The following FOXP2 variants were observed in gnomAD, a reference collection of about 807,000 sequenced individuals.
FOXP2 encodes forkhead box P2.
A neutral mutation model predicts 115.8 loss-of-function variants in FOXP2; 12 were observed. The observed-to-expected ratio is 0.10, with a 90% CI of 0.07 to 0.17. The LOEUF is 0.17. FOXP2 is among the 10% of genes least tolerant of loss of function. The pLI is 1.00. For synonymous variants in FOXP2, 328 were observed against 297.7 expected, an observed-to-expected ratio of 1.10 and a Z score of -1.05; for missense variants, 629 against 843.5, an observed-to-expected ratio of 0.75 and a Z score of 3.15.
intron 1 of FOXP2, among the ~76,000 whole-genome samples, chr7:114,170,968 T>C (rs1264061431): frequency 6.6e-6 from 1 of 152,226 alleles, no homozygotes; most frequent in East Asian, 1.9e-4. Context: ...GAAGATGCCA[T>C]CTAGGAATTT....
At chr7:114,459,224 G>A (rs1795454729) in intron 2 of FOXP2, among the ~76,000 whole-genome samples, 1 of 152,200 alleles carries the variant, frequency 6.6e-6, no homozygotes, top group African/African-American at 2.4e-5. Context: ...CAGGAGGGTA[G>A]CACAGCTGGA....
At chr7:114,676,420 T>C (rs1807769101) in intron 16 of FOXP2, among the ~76,000 whole-genome samples, 1 of 152,202 alleles carries the variant, frequency 6.6e-6, no homozygotes, top group South Asian at 2.1e-4. Flanking sequence ...CTCAAAGTAC[T>C]GTATGTGTAA....
chr7:114,545,876 C>A (rs981000896), intron 3 of FOXP2, among the ~76,000 whole-genome samples: 1 of 152,096 alleles, frequency 6.6e-6, no homozygotes, highest in Non-Finnish European at 1.5e-5. Flanking sequence ...CCTCCCCATC[C>A]TCACCAGCAC....
intron 2 of FOXP2, among the ~76,000 whole-genome samples, chr7:114,404,271 A>G (rs1480373364): frequency 6.6e-6 from 1 of 152,192 alleles, no homozygotes; most frequent in Non-Finnish European, 1.5e-5. Context: ...ATTTGGACAT[A>G]TGATTGAAAC....
intron 16 of FOXP2, among the ~76,000 whole-genome samples, chr7:114,676,515 CTGTT>C (rs776171355): frequency 1.3e-5 from 2 of 152,098 alleles, no homozygotes; most frequent in Non-Finnish European, 2.9e-5. Context: ...AGTCCTAACA[CTGTT>C]TGTGAGGATA....
intron 1 of FOXP2, among the ~76,000 whole-genome samples, chr7:114,284,830 T>C (rs1316738190): frequency 1.3e-5 from 2 of 152,236 alleles, no homozygotes; most frequent in Non-Finnish European, 2.9e-5. Context: ...CAGTAGACCA[T>C]GGAATACTAT....
intron 16 of FOXP2, among the ~76,000 whole-genome samples, chr7:114,682,092 G>A (rs1207418218): frequency 4.6e-5 from 7 of 152,058 alleles, no homozygotes; most frequent in Admixed American, 2.0e-4. Flanking sequence ...CCCTTATAAC[G>A]AGTGTATAAG....
At chr7:114,667,139 T>G (rs1325557374) in intron 16 of FOXP2, 1 of 152,124 alleles carries the variant, frequency 6.6e-6, no homozygotes, top group East Asian at 1.9e-4. Flanking sequence ...TGAAACAACA[T>G]GAGGCCAGGC....
chr7:114,127,933 G>A (rs1791762606), intron 1 of FOXP2, among the ~76,000 whole-genome samples: 1 of 152,144 alleles, frequency 6.6e-6, no homozygotes, highest in Admixed American at 6.5e-5. Context: ...AAATGTGTAA[G>A]TAAAATGAAC....
intron 1 of FOXP2, among the ~76,000 whole-genome samples, chr7:114,168,269 A>G (rs1793036401): frequency 6.6e-6 from 1 of 152,238 alleles, no homozygotes; most frequent in African/African-American, 2.4e-5. Flanking sequence ...AGAAGAAGAC[A>G]GGAAAATGTG....
chr7:114,578,822 G>T (rs368294933), intron 3 of FOXP2, among the ~76,000 whole-genome samples: 2 of 152,038 alleles, frequency 1.3e-5, no homozygotes, highest in African/African-American at 2.4e-5. Context: ...AAAATTTAAG[G>T]TTCCTCAGTG....
At chr7:114,222,380 G>A (rs796428174) in intron 1 of FOXP2, among the ~76,000 whole-genome samples, 4 of 152,090 alleles carry the variant, frequency 2.6e-5, no homozygotes, top group South Asian at 2.1e-4. Flanking sequence ...GAACTCCTGG[G>A]CTCAAGTGAT....
chr7:114,106,118 G>A (rs185124294), intron 1 of FOXP2, among the ~76,000 whole-genome samples: 1 of 152,206 alleles, frequency 6.6e-6, no homozygotes, highest in Admixed American at 6.6e-5. Flanking sequence ...GACAGATGGA[G>A]AGCAAATTCT....
chr7:114,521,668 T>G (rs547178574), intron 2 of FOXP2, among the ~76,000 whole-genome samples: 1 of 152,116 alleles, frequency 6.6e-6, no homozygotes, highest in South Asian at 2.1e-4. Context: ...CAACCAATAG[T>G]AATTTTTTGG....
intron 2 of FOXP2, among the ~76,000 whole-genome samples, chr7:114,483,806 A>G (rs1422135553): frequency 6.6e-6 from 1 of 151,780 alleles, no homozygotes; most frequent in African/African-American, 2.4e-5. Flanking sequence ...TGGACAATTA[A>G]TAATTATGAT....
intron 1 of FOXP2, among the ~76,000 whole-genome samples, chr7:114,111,301 G>T (rs544286124): frequency 4.1e-4 from 63 of 152,166 alleles, no homozygotes; most frequent in African/African-American, 1.4e-3. Context: ...ACCATTTCAG[G>T]AAGCCTTGTA....
At chr7:114,132,167 A>G (rs544791857) in intron 1 of FOXP2, among the ~76,000 whole-genome samples, 1 of 152,350 alleles carries the variant, frequency 6.6e-6, no homozygotes, top group East Asian at 1.9e-4. Flanking sequence ...ATTTTAATAA[A>G]CTAATATCGT....
At chr7:114,167,882 G>T (rs1793024907) in intron 1 of FOXP2, among the ~76,000 whole-genome samples, 1 of 147,372 alleles carries the variant, frequency 6.8e-6, no homozygotes, top group Non-Finnish European at 1.5e-5. Flanking sequence ...GTTGCAGTGA[G>T]CCGAGATTAC....
intron 2 of FOXP2, among the ~76,000 whole-genome samples, chr7:114,307,335 A>T (rs1797037570): frequency 6.6e-6 from 1 of 152,176 alleles, no homozygotes; most frequent in Non-Finnish European, 1.5e-5. Flanking sequence ...GCCAATTTTG[A>T]ATAACTAGCC....
Sources: allele counts gnomAD v4.1 joint callset (sites outside exome capture counted in the v4.1 genomes callset), GRCh38; gene constraint gnomAD v4.1.1; transcripts MANE v1.5; gene names NCBI Gene and HGNC (gene_info 2026-07-23, HGNC 2026-07-21).